GRAMD1C: variants seen among roughly 807,000 people sequenced by gnomAD.
GRAMD1C encodes the protein GRAM domain containing 1C, also known as protein Aster-C.
A neutral mutation model predicts 97.8 loss-of-function variants in GRAMD1C; 89 were observed. The observed-to-expected ratio is 0.91, with a 90% CI of 0.77 to 1.09. The LOEUF is 1.09. Among genes scored for constraint, GRAMD1C ranks in the 50% least tolerant of loss-of-function variants. GRAMD1C has a pLI of 0.00. For synonymous variants in GRAMD1C, 256 were observed against 267.0 expected (o/e 0.96, Z 0.40); for missense variants, 740 against 766.4 (o/e 0.97, Z 0.41).
At chr3:113,915,360 T>C (rs1936772448) in intron 9 of GRAMD1C, among the ~76,000 whole-genome samples, 1 of 152,224 alleles carries the variant, frequency 6.6e-6, no homozygotes, top group Non-Finnish European at 1.5e-5. Context: ...ATATTGTCCT[T>C]GTCCCTTTTG....
chr3:113,850,172 G>A (rs985481616), intron 2 of GRAMD1C: 1 of 441,478 alleles, frequency 2.3e-6, no homozygotes, highest in Non-Finnish European at 4.4e-6. Context: ...TTTGTCAATT[G>A]TATATACTTA....
intron 2 of GRAMD1C, among the ~76,000 whole-genome samples, chr3:113,860,027 A>C (rs1416192282): frequency 1.3e-5 from 2 of 152,042 alleles, no homozygotes; most frequent in African/African-American, 2.4e-5. Context: ...AATAGGAATA[A>C]ATTTTTTTTT....
At chr3:113,920,860 A>C (rs760133534) in intron 10 of GRAMD1C, among the ~76,000 whole-genome samples, 8 of 152,134 alleles carry the variant, frequency 5.3e-5, no homozygotes, top group Non-Finnish European at 1.0e-4. Context: ...GGGGTCTTTT[A>C]AATCTATATT....
At chr3:113,886,052 G>C in intron 6 of GRAMD1C, 2 of 1,473,284 alleles carry the variant, frequency 1.4e-6, no homozygotes, top group Non-Finnish European at 1.8e-6. Flanking sequence ...CCCTCCACTT[G>C]GGTTGGGGTG....
At chr3:113,923,277 G>A (rs1937124276) in intron 10 of GRAMD1C, among the ~76,000 whole-genome samples, 1 of 152,108 alleles carries the variant, frequency 6.6e-6, no homozygotes, top group South Asian at 2.1e-4. Flanking sequence ...TTGCCTGATT[G>A]TTCTGGTTAG....
At chr3:113,917,700 T>A (rs1284572095) in intron 10 of GRAMD1C, among the ~76,000 whole-genome samples, 1 of 146,536 alleles carries the variant, frequency 6.8e-6, no homozygotes, top group Non-Finnish European at 1.5e-5. Flanking sequence ...GTAAACATAA[T>A]TTTTTTTTTT....
At chr3:113,875,628 C>A in intron 4 of GRAMD1C, 41 bp downstream of exon 4, 1 of 865,114 alleles carries the variant, frequency 1.2e-6, no homozygotes, top group Non-Finnish European at 2.0e-6. Flanking sequence ...CAAATAATTG[C>A]ATAGAGATAT....
chr3:113,930,874 G>A, intron 11 of GRAMD1C, 42 bp downstream of exon 11: 1 of 1,024,580 alleles, frequency 9.8e-7, no homozygotes, highest in Non-Finnish European at 1.5e-6. Flanking sequence ...CATGTGTGGG[G>A]GAAGAGAGAA....
chr3:113,939,392 A>AT (rs57188013), intron 15 of GRAMD1C: 143,814 of 148,190 alleles, frequency 0.97, 69,844 homozygotes, highest in East Asian at 1. Context: ...CTGAATGGTA[A>AT]TTTTTTTTTT....
rs1228330066 is a variant in GRAMD1C at position 113,901,125 on chromosome 3, C to T, written c.635C>T (p.Ser212Leu). The T allele has an allele frequency of 3.8e-6, 6 of 1,589,482 alleles. No individual in the cohort carries two copies. The highest frequency in any genetic ancestry group is 1.7e-5 in the Admixed American group (1 of 59,876). Residue 212 changes from serine (S) to leucine (L), a missense_variant, in exon 7 of 18, where the codon TCG (serine) becomes TTG (leucine). Transcript: ENST00000358160. Reference sequence around the variant, plus strand: ...GAGGAGATGGAAAACTTGTCACTGTCGATTGAGGATGTGCAGCCAAGGTAC... The same window carrying T: ...GAGGAGATGGAAAACTTGTCACTGTTGATTGAGGATGTGCAGCCAAGGTAC... ...NAEEMENLSL[S>L]IEDVQPRSPG...
intron 6 of GRAMD1C, chr3:113,897,811 C>T: frequency 1.0e-6 from 1 of 958,612 alleles, no homozygotes; most frequent in Non-Finnish European, 1.2e-6. Flanking sequence ...CCTTGGTTTG[C>T]AGGTGGGTGG....
chr3:113,853,861 C>T (rs998117249), intron 2 of GRAMD1C, among the ~76,000 whole-genome samples: 1 of 152,032 alleles, frequency 6.6e-6, no homozygotes, highest in African/African-American at 2.4e-5. Context: ...TAGAGAGAGG[C>T]TTAAATGATG....
chr3:113,919,889 A>G (rs893653233), intron 10 of GRAMD1C: 28 of 650,230 alleles, frequency 4.3e-5, no homozygotes, highest in Admixed American at 7.5e-5. Context: ...ACCCAGTACC[A>G]CAGCAGAAAC....
In GRAMD1C at chr3:113,930,725, A is replaced by AC; in HGVS notation, c.1106dup (p.Trp370LeufsTer8). 6.4e-7 allele frequency: 1 copy of AC among 1,573,660 alleles called. No homozygotes were observed. Among genetic ancestry groups the AC allele is most frequent in the Non-Finnish European group, 8.7e-7 (1 of 1,143,094 alleles). On this transcript the variant is annotated frameshift_variant, in exon 11 of 18. Coordinates refer to ENST00000358160, the MANE Select transcript of GRAMD1C (RefSeq NM_017577.5). LOFTEE classifies it high-confidence loss of function. ...TTTGTTGTTGTTAGATGTAGTATCT[A>AC]CCCCTTGGACTGCAGAACTTGGAGG...
chr3:113,944,761 A>G (rs1294858780), intron 17 of GRAMD1C, among the ~76,000 whole-genome samples: 1 of 152,234 alleles, frequency 6.6e-6, no homozygotes, highest in South Asian at 2.1e-4. Context: ...TGCTTAGAAC[A>G]CTGCCCAACA....
chr3:113,917,656 C>A (rs937780095), intron 10 of GRAMD1C, among the ~76,000 whole-genome samples: 2 of 151,344 alleles, frequency 1.3e-5, no homozygotes. Flanking sequence ...TTTTATTAAC[C>A]ATTAGATATT....
At chr3:113,938,005 CAA>C (rs5851908) in intron 14 of GRAMD1C, 79 bp from the exon 15 acceptor site, 8,569 of 500,388 alleles carry the variant, frequency 0.017, no homozygotes, top group South Asian at 0.02. Context: ...AACTCCTTCT[CAA>C]AAAAAAAAAA....
chr3:113,933,819 G>A (rs777365428), intron 12 of GRAMD1C, among the ~76,000 whole-genome samples, 166 bp downstream of exon 12: 18 of 152,160 alleles, frequency 1.2e-4, no homozygotes, highest in African/African-American at 2.2e-4. Flanking sequence ...TAAGGCCCCC[G>A]CTTGATGAAG....
At chr3:113,904,053 T>C (rs936630652) in intron 7 of GRAMD1C, 87 bp from the exon 8 acceptor site, 1 of 915,130 alleles carries the variant, frequency 1.1e-6, no homozygotes, top group Non-Finnish European at 1.7e-6. Flanking sequence ...AACTGTTTTA[T>C]CATAGGAAAT....
Sources: gnomAD v4.1 joint callset for allele counts (sites outside exome capture counted in the v4.1 genomes callset) on GRCh38, gnomAD v4.1.1 for gene constraint, MANE v1.5 for transcripts, NCBI Gene and HGNC (gene_info 2026-07-23, HGNC 2026-07-21) for gene names.